CNGB3: variants seen among roughly 807,000 people sequenced by gnomAD.
The protein encoded by CNGB3 is cyclic nucleotide-gated channel beta-3.
Under a neutral mutation model 92.8 loss-of-function variants are expected in CNGB3, and 86 were observed. That is an observed-to-expected ratio of 0.93 (90% CI 0.78 to 1.11). The LOEUF (loss-of-function observed/expected upper bound fraction) is 1.11. CNGB3 is among the 50% of genes least tolerant of loss of function. The pLI is 0.00. For missense variants in CNGB3, 1,026 were observed against 956.8 expected, an observed-to-expected ratio of 1.07 and a Z score of -0.95; for synonymous variants, 333 against 332.7, an observed-to-expected ratio of 1.00 and a Z score of -0.01.
chr8:86,579,051 G>C, intron 16 of CNGB3, 55 bp downstream of exon 16: 2 of 1,608,134 alleles, frequency 1.2e-6, no homozygotes, highest in Admixed American at 3.3e-5. Flanking sequence ...CTATCTCAGA[G>C]TTTACAAAGT....
At chr8:86,657,981 G>T in intron 6 of CNGB3, 3 of 549,156 alleles carry the variant, frequency 5.5e-6, no homozygotes, top group South Asian at 4.4e-5. Flanking sequence ...CAGACAGCTG[G>T]ATGCAGCGAC....
At chr8:86,716,234 T>C (rs1457931999) in intron 3 of CNGB3, among the ~76,000 whole-genome samples, 1 of 152,068 alleles carries the variant, frequency 6.6e-6, no homozygotes, top group East Asian at 1.9e-4. Flanking sequence ...ATGTTAAGCA[T>C]CCAAACCAAA....
At chr8:86,628,897 A>G in intron 12 of CNGB3, 22 bp downstream of exon 12, 1 of 1,612,354 alleles carries the variant, frequency 6.2e-7, no homozygotes, top group Non-Finnish European at 8.5e-7. Context: ...CAGGAATTTA[A>G]TCGGTAATCT....
intron 15 of CNGB3, among the ~76,000 whole-genome samples, chr8:86,584,391 T>C (rs1821852936): frequency 6.6e-6 from 1 of 152,190 alleles, no homozygotes; most frequent in South Asian, 2.1e-4. Flanking sequence ...TGTTAGACTA[T>C]GAGAATAGAA....
At chr8:86,724,585 A>G (rs1383513573) in intron 3 of CNGB3, among the ~76,000 whole-genome samples, 2 of 152,142 alleles carry the variant, frequency 1.3e-5, no homozygotes, top group African/African-American at 4.8e-5. Context: ...CATGAAGCAC[A>G]CAATTTAGAG....
intron 3 of CNGB3, among the ~76,000 whole-genome samples, chr8:86,691,176 G>A (rs1824304563): frequency 6.6e-6 from 1 of 152,078 alleles, no homozygotes; most frequent in South Asian, 2.1e-4. Context: ...TCTCAGCTTG[G>A]TTGGTGTTGG....
intron 3 of CNGB3, among the ~76,000 whole-genome samples, chr8:86,681,087 A>C (rs1168650948): frequency 6.6e-6 from 1 of 152,206 alleles, no homozygotes; most frequent in Non-Finnish European, 1.5e-5. Context: ...AAGCGATTGC[A>C]CAAAATCACT....
At chr8:86,593,941 G>A in intron 15 of CNGB3, 1 of 537,872 alleles carries the variant, frequency 1.9e-6, no homozygotes, top group Non-Finnish European at 3.5e-6. Context: ...AGTGGAATCG[G>A]ATCCTGTAGG....
At position 86,575,852 on chromosome 8, in the gene CNGB3, G is replaced by C. The variant is rs945309818; in HGVS notation, c.2382C>G (p.Gly794=). 1 of 1,612,998 alleles carries C rather than the reference G, an allele frequency of 6.2e-7. No individual in the cohort carries two copies. The highest frequency in any genetic ancestry group is 1.7e-5 in the Admixed American group (1 of 59,804). ...LIISMAPSAE[G]GEEVLTIEVK... ...CTTCAATAGTAAGAACCTCTTCTCC[G>C]CCCTCAGCAGAAGGAGCCATGCTGA... Residue 794 remains glycine, a synonymous_variant, in exon 18 of 18, where the codon GGC becomes GGG. Coordinates refer to ENST00000320005, the MANE Select transcript of CNGB3 (RefSeq NM_019098.5).
At chr8:86,616,432 G>A (rs1052599501) in intron 13 of CNGB3, among the ~76,000 whole-genome samples, 2 of 152,038 alleles carry the variant, frequency 1.3e-5, no homozygotes, top group African/African-American at 4.8e-5. Context: ...ATTTTATAAT[G>A]TGTTTGAGAA....
At chr8:86,714,160 A>G (rs1396360421) in intron 3 of CNGB3, among the ~76,000 whole-genome samples, 1 of 151,970 alleles carries the variant, frequency 6.6e-6, no homozygotes, top group African/African-American at 2.4e-5. Context: ...AAAATCCTCT[A>G]TTTTCTGACT....
At chr8:86,713,081 T>A (rs1824781127) in intron 3 of CNGB3, among the ~76,000 whole-genome samples, 1 of 152,200 alleles carries the variant, frequency 6.6e-6, no homozygotes, top group East Asian at 1.9e-4. Context: ...CATTGTTGTA[T>A]TTCCAATTTC....
At chr8:86,710,975 G>A (rs1054832765) in intron 3 of CNGB3, among the ~76,000 whole-genome samples, 1 of 152,094 alleles carries the variant, frequency 6.6e-6, no homozygotes, top group African/African-American at 2.4e-5. Flanking sequence ...TTCTTTCAAG[G>A]GAGAAATGGT....
At chr8:86,723,281 T>C (rs1825006439) in intron 3 of CNGB3, among the ~76,000 whole-genome samples, 1 of 152,144 alleles carries the variant, frequency 6.6e-6, no homozygotes, top group African/African-American at 2.4e-5. Context: ...GAAAACTTCT[T>C]TTAAATTTTC....
intron 13 of CNGB3, among the ~76,000 whole-genome samples, chr8:86,618,782 T>C (rs1477829545): frequency 6.6e-6 from 1 of 152,224 alleles, no homozygotes; most frequent in Non-Finnish European, 1.5e-5. Context: ...CACGTTCTGA[T>C]TTCAGGCCCT....
chr8:86,659,206 G>C, intron 6 of CNGB3: 1 of 720,822 alleles, frequency 1.4e-6, no homozygotes, highest in Non-Finnish European at 2.5e-6. Context: ...TGCATCCTCT[G>C]CTACCGCATG....
chr8:86,586,944 G>T (rs1160619449), intron 15 of CNGB3, among the ~76,000 whole-genome samples: 269 of 119,724 alleles, frequency 2.2e-3, no homozygotes, highest in African/African-American at 3.7e-3. Context: ...CTAGTTTACA[G>T]TCCCACCAAC....
intron 1 of CNGB3, among the ~76,000 whole-genome samples, chr8:86,742,509 A>G (rs778164161): frequency 6.6e-6 from 1 of 152,132 alleles, no homozygotes; most frequent in East Asian, 1.9e-4. Context: ...CTCTAGGCTC[A>G]TTTAAACCCG....
chr8:86,646,856 G>T (rs1174660767), intron 8 of CNGB3, among the ~76,000 whole-genome samples: 3 of 151,100 alleles, frequency 2.0e-5, no homozygotes, highest in Non-Finnish European at 4.5e-5. Flanking sequence ...AAGTATTTAT[G>T]TCTTATAACC....
Sources: allele counts gnomAD v4.1 joint callset (sites outside exome capture counted in the v4.1 genomes callset), GRCh38; gene constraint gnomAD v4.1.1; transcripts MANE v1.5; gene names NCBI Gene and HGNC (gene_info 2026-07-23, HGNC 2026-07-21).